The following SYNDIG1 variants were observed in gnomAD, a reference collection of about 807,000 sequenced individuals.
The protein encoded by SYNDIG1 is synapse differentiation-inducing gene protein 1.
A neutral mutation model predicts 19.4 loss-of-function variants in SYNDIG1; 9 were observed. The ratio of observed to expected loss-of-function variants is 0.46; its 90% CI spans 0.28 to 0.81. The LOEUF is 0.81. Among genes scored for constraint, SYNDIG1 ranks in the 30% least tolerant of loss-of-function variants. The pLI, the probability that SYNDIG1 is intolerant of heterozygous loss-of-function variation, is 0.12. For synonymous variants in SYNDIG1, 141 were observed against 145.9 expected (o/e 0.97, Z 0.24); for missense variants, 311 against 343.3 (o/e 0.91, Z 0.74).
chr20:24,503,474 C>T (rs961531969), intron 1 of SYNDIG1, among the ~76,000 whole-genome samples: 3 of 152,142 alleles, frequency 2.0e-5, no homozygotes, highest in South Asian at 2.1e-4. Context: ...ACAGTGTCCA[C>T]GCGGTAAAAA....
chr20:24,624,750 C>T (rs901385848), intron 3 of SYNDIG1, among the ~76,000 whole-genome samples: 4 of 152,172 alleles, frequency 2.6e-5, no homozygotes, highest in African/African-American at 9.7e-5. Context: ...AATATACATT[C>T]TTCTCAGGGG....
chr20:24,635,307 C>T (rs1271927455), intron 3 of SYNDIG1, among the ~76,000 whole-genome samples: 1 of 152,234 alleles, frequency 6.6e-6, no homozygotes, highest in Non-Finnish European at 1.5e-5. Flanking sequence ...TATTTCTACA[C>T]CTATCTCCTC....
At chr20:24,538,057 T>C (rs1193771748) in intron 1 of SYNDIG1, among the ~76,000 whole-genome samples, 5 of 152,232 alleles carry the variant, frequency 3.3e-5, no homozygotes, top group Non-Finnish European at 5.9e-5. Context: ...TAGATAGCTC[T>C]TCTTTTTATG....
At position 24,486,534 on chromosome 20, in the gene SYNDIG1, C is replaced by A. The variant is rs577029786; in HGVS notation, c.-79+16781C>A. On this transcript the variant is annotated intron_variant, in intron 1 of 3. Transcript: ENST00000376862. ...GTCTGTTCAAGCACCATTCCTCAAA[C>A]TCTAATGCACTCACATAACACCTGG... 2.0e-5 allele frequency among the ~76,000 whole-genome samples: 3 copies of A among 152,342 alleles called. No individual in the cohort carries two copies. In the East Asian group the frequency reaches 5.8e-4, roughly 29 times the overall value.
chr20:24,645,940 C>T lies in SYNDIG1; in HGVS notation c.619-19406C>T, dbSNP rs11907072. Among the ~76,000 whole-genome samples, 1,197 of 152,278 alleles carry T rather than the reference C, an allele frequency of 7.9e-3. 22 individuals are homozygous for T. The highest frequency in any genetic ancestry group is 0.027 in the African/African-American group (1,128 of 41,550). ...TTTGCAGGAGTCAAGGCACCCTTCT[C>T]GCCTGGATAGAAGCCAAGCTTGTGC... is the stretch of plus-strand genomic sequence containing the variant. On this transcript the variant is annotated intron_variant, in intron 3 of 3. Coordinates refer to ENST00000376862, the MANE Select transcript of SYNDIG1 (RefSeq NM_024893.3).
At position 24,614,615 on chromosome 20, in the gene SYNDIG1, AAGGG is replaced by A. The variant is rs1054392597; in HGVS notation, c.618+29636_618+29639del. On this transcript the variant is annotated intron_variant, in intron 3 of 3. Coordinates refer to ENST00000376862, the MANE Select transcript of SYNDIG1 (RefSeq NM_024893.3). ...ACTAGGAAAATCAAAAGAAGGAAGGAAGGGAGGGAGGGAGGGAAGGGGAGGGGAG... is the reference window on the plus strand; with the variant it reads ...ACTAGGAAAATCAAAAGAAGGAAGGAAGGGAGGGAGGGAAGGGGAGGGGAG... Among the ~76,000 whole-genome samples the A allele has an allele frequency of 1.1e-4, 15 of 136,982 alleles. No individual in the cohort carries two copies. The East Asian group carries it at 1.3e-3, about 12-fold the overall frequency. The allele number at this position is 136,982 out of a possible 152,430, so 89.9% of individuals were successfully genotyped here.
chr20:24,559,391 C>A (rs575004945), intron 2 of SYNDIG1, among the ~76,000 whole-genome samples: 1 of 152,240 alleles, frequency 6.6e-6, no homozygotes, highest in South Asian at 2.1e-4. Context: ...CATGACCTGA[C>A]CACTATGCAA....
At chr20:24,534,735 A>G (rs1306068975) in intron 1 of SYNDIG1, among the ~76,000 whole-genome samples, 1 of 152,074 alleles carries the variant, frequency 6.6e-6, no homozygotes, top group East Asian at 1.9e-4. Flanking sequence ...ACACCCCCGC[A>G]CTCAACACAC....
At chr20:24,657,931 G>T (rs903645455) in intron 3 of SYNDIG1, among the ~76,000 whole-genome samples, 2 of 152,182 alleles carry the variant, frequency 1.3e-5, no homozygotes. Flanking sequence ...TACATTTCCA[G>T]ATAAATAGTT....
At chr20:24,659,419 C>A (rs1262503272) in intron 3 of SYNDIG1, among the ~76,000 whole-genome samples, 4 of 152,242 alleles carry the variant, frequency 2.6e-5, no homozygotes, top group African/African-American at 9.6e-5. Context: ...TCCCTGGGCC[C>A]TGTCTGGGCA....
chr20:24,620,340 A>G (rs562778278), intron 3 of SYNDIG1, among the ~76,000 whole-genome samples: 1 of 152,140 alleles, frequency 6.6e-6, no homozygotes, highest in African/African-American at 2.4e-5. Context: ...GGAAGACCCA[A>G]GGCTGGGGGG....
In SYNDIG1 at chr20:24,480,657, G is replaced by A. The variant is rs550891477; in HGVS notation, c.-79+10904G>A. Among the ~76,000 whole-genome samples, 6 of 152,322 alleles carry A rather than the reference G, an allele frequency of 3.9e-5. No homozygotes were observed. In the South Asian group the frequency reaches 1.2e-3, roughly 32 times the overall value. On this transcript the variant is annotated intron_variant, in intron 1 of 3. Coordinates refer to ENST00000376862, the MANE Select transcript of SYNDIG1 (RefSeq NM_024893.3). The stretch of plus-strand genomic sequence containing the variant: ...CCAAAATAATGGAAAGCAGAGTCTT[G>A]AAGAGATATGCACATGCCCATTTTG...
At position 24,504,941 on chromosome 20, in the gene SYNDIG1, G is replaced by T. The variant is rs77166905; in HGVS notation, c.-79+35188G>T. Among the ~76,000 whole-genome samples the T allele has an allele frequency of 5.5e-3, 832 of 152,308 alleles. 26 individuals carry two copies. The East Asian group carries it at 0.069, about 13-fold the overall frequency. On this transcript the variant is annotated intron_variant, in intron 1 of 3. Coordinates refer to ENST00000376862, the MANE Select transcript of SYNDIG1 (RefSeq NM_024893.3). ...ACTAGGAAATCGTTGAAGTGGCCTGGGTGAGAGGATGGTAGCTTGGTCCAG... is the reference window on the plus strand; with the variant it reads ...ACTAGGAAATCGTTGAAGTGGCCTGTGTGAGAGGATGGTAGCTTGGTCCAG...
chr20:24,657,163 G>T (rs551731004), intron 3 of SYNDIG1, among the ~76,000 whole-genome samples: 2 of 152,096 alleles, frequency 1.3e-5, no homozygotes, highest in South Asian at 2.1e-4. Context: ...AAAGTTACTC[G>T]GCCTCAGGTA....
At chr20:24,601,890 C>T (rs1362577046) in intron 3 of SYNDIG1, among the ~76,000 whole-genome samples, 3 of 151,922 alleles carry the variant, frequency 2.0e-5, no homozygotes, top group Admixed American at 2.0e-4. Context: ...CTTTTTATTA[C>T]ATTTATTCTT....
intron 1 of SYNDIG1, among the ~76,000 whole-genome samples, chr20:24,474,030 T>G (rs2055547294): frequency 6.6e-6 from 1 of 152,210 alleles, no homozygotes; most frequent in African/African-American, 2.4e-5. Context: ...GGTGGATGGA[T>G]ACATGCACAG....
intron 2 of SYNDIG1, among the ~76,000 whole-genome samples, chr20:24,548,670 G>A (rs1012307903): frequency 2.0e-5 from 3 of 152,208 alleles, no homozygotes; most frequent in Non-Finnish European, 4.4e-5. Context: ...CTGCTGATTT[G>A]GGTGGAAGGA....
At chr20:24,478,535 C>T (rs2055700236) in intron 1 of SYNDIG1, among the ~76,000 whole-genome samples, 1 of 152,228 alleles carries the variant, frequency 6.6e-6, no homozygotes, top group South Asian at 2.1e-4. Flanking sequence ...CATTTTTTCT[C>T]ACCCACTGTA....
intron 2 of SYNDIG1, among the ~76,000 whole-genome samples, chr20:24,579,634 G>T (rs1415095648): frequency 6.6e-6 from 1 of 152,256 alleles, no homozygotes; most frequent in Non-Finnish European, 1.5e-5. Flanking sequence ...TGGTGTCACT[G>T]AGGGACCAGT....
Sources: allele counts gnomAD v4.1 joint callset (sites outside exome capture counted in the v4.1 genomes callset), GRCh38; gene constraint gnomAD v4.1.1; transcripts MANE v1.5; gene names NCBI Gene and HGNC (gene_info 2026-07-23, HGNC 2026-07-21).